The following PPP2R3B variants were observed in gnomAD, a reference collection of about 807,000 sequenced individuals.
PPP2R3B encodes the protein serine/threonine-protein phosphatase 2A regulatory subunit B'' subunit beta.
In PPP2R3B, 68 loss-of-function variants were observed where a neutral mutation model predicts 72.9. That is an observed-to-expected ratio of 0.93 (90% CI 0.77 to 1.14). The LOEUF (loss-of-function observed/expected upper bound fraction) is 1.14, where lower values mean the gene tolerates loss of function less well. PPP2R3B is among the 50% of genes most tolerant of loss of function. The probability of loss-of-function intolerance (pLI) is 0.00; values close to 1 mark genes in which losing one functional copy is unlikely to be tolerated. For missense variants in PPP2R3B, 1,018 were observed against 842.0 expected (o/e 1.21, Z -2.59); for synonymous variants, 466 against 375.8 (o/e 1.24, Z -2.78).
At chrX:341,795 A>G in intron 8 of PPP2R3B, 88 bp downstream of exon 8, 2 of 1,443,882 alleles carry the variant, frequency 1.4e-6, no homozygotes, top group African/African-American at 1.4e-5. Context: ...GTCGGGGCAC[A>G]AAAAGCTCAC....
intron 1 of PPP2R3B, among the ~76,000 whole-genome samples, chrX:379,220 C>T (rs1326740267): frequency 3.6e-5 from 5 of 139,656 alleles, no homozygotes; most frequent in Non-Finnish European, 7.6e-5. Context: ...CCTGTGTATG[C>T]ACCTGTGTGT....
At chrX:383,653 C>T (rs62585672) in intron 1 of PPP2R3B, among the ~76,000 whole-genome samples, 16,611 of 151,308 alleles carry the variant, frequency 0.11, 956 homozygotes, top group African/African-American at 0.15. Context: ...CCGGCTAACA[C>T]GGTGAAACCC....
At chrX:341,712 C>A (rs2071082040) in intron 8 of PPP2R3B, 171 bp downstream of exon 8, 3 of 782,304 alleles carry the variant, frequency 3.8e-6, no homozygotes, top group East Asian at 5.2e-5. Flanking sequence ...TTGTGCCACC[C>A]CCCCCCACTA....
intron 1 of PPP2R3B, among the ~76,000 whole-genome samples, chrX:379,264 T>C (rs1267179105): frequency 6.6e-6 from 1 of 151,814 alleles, no homozygotes. Flanking sequence ...TATGGACCTA[T>C]GTATGTGTAT....
Position 347,374 on chromosome X carries a change from G to C in PPP2R3B, c.615-38C>G. On this transcript the variant is annotated intron_variant, in intron 3 of 12. Transcript: ENST00000390665. The stretch of plus-strand genomic sequence containing the variant: ...GATGACTGGGCACCACCCTCACAGG[G>C]GGGTGGCTTTCGACCCCGCAGACGC... The C allele has an allele frequency of 2.5e-6, 4 of 1,598,970 alleles. No individual in the cohort carries two copies. The African/African-American group carries it at 4.0e-5, about 16-fold the overall frequency.
At position 334,120 on chromosome X, in the gene PPP2R3B, G is replaced by C; in HGVS notation, c.*247C>G. On this transcript the variant is annotated 3_prime_UTR_variant, in exon 13 of 13. Coordinates refer to ENST00000390665, the MANE Select transcript of PPP2R3B (RefSeq NM_013239.5). ...ACCCAGGCTGGGTCGGGAACGGCAAGCGCCAGAGGGTGTCCGTGTGGGAAC... is the reference window on the plus strand; with the variant it reads ...ACCCAGGCTGGGTCGGGAACGGCAACCGCCAGAGGGTGTCCGTGTGGGAAC... 1 of 394,660 alleles carries C rather than the reference G, an allele frequency of 2.5e-6. No homozygotes were observed. The highest frequency in any genetic ancestry group is 4.4e-6 in the Non-Finnish European group (1 of 225,984). 24.4% of individuals were successfully genotyped at this position (394,660 alleles called of 1,614,324 possible).
intron 1 of PPP2R3B, 28 bp from the exon 2 acceptor site, chrX:361,618 T>A: frequency 6.2e-7 from 1 of 1,611,134 alleles, no homozygotes; most frequent in Non-Finnish European, 8.5e-7. Flanking sequence ...AGCGCTCAGT[T>A]AGAACCTGGG....
chrX:347,172 G>T, intron 4 of PPP2R3B, 62 bp downstream of exon 4: 2 of 84,486 alleles, frequency 2.4e-5, no homozygotes, highest in Non-Finnish European at 4.0e-5. Context: ...CATGAGGCAT[G>T]CGGTGTAGAC....
intron 2 of PPP2R3B, among the ~76,000 whole-genome samples, chrX:352,779 G>A (rs1311275556): frequency 1.3e-5 from 2 of 151,728 alleles, no homozygotes; most frequent in Non-Finnish European, 2.9e-5. Context: ...AACCACGGCC[G>A]GCAAGTTCAG....
Position 361,387 on chromosome X carries a change from C to T in PPP2R3B, c.510+18G>A. ...CAGTACCACCTCGGCTGCTCCACGT[C>T]CCACGCGTGACACGTACCTTGGCCA... On this transcript the variant is annotated intron_variant, in intron 2 of 12. Transcript: ENST00000390665. 6.2e-7 allele frequency: 1 copy of T among 1,613,546 alleles called. No individual in the cohort carries two copies. Among genetic ancestry groups the T allele is most frequent in the Non-Finnish European group, 8.5e-7 (1 of 1,179,526 alleles).
In PPP2R3B at chrX:386,827, G is replaced by A. The variant is rs2072268912; in HGVS notation, c.-136C>T. ...GCGCGGCGCAGGGAACAGGGCCCGC[G>A]CCTCGGGAACTGCGCGGACTCGCGG... On this transcript the variant is annotated 5_prime_UTR_variant, in exon 1 of 13. Coordinates refer to ENST00000390665, the MANE Select transcript of PPP2R3B (RefSeq NM_013239.5). 2.5e-6 allele frequency: 1 copy of A among 396,798 alleles called. No individual in the cohort carries two copies. Among genetic ancestry groups the A allele is most frequent in the Non-Finnish European group, 3.8e-6 (1 of 266,520 alleles). 24.6% of individuals were successfully genotyped at this position (396,798 alleles called of 1,614,324 possible).
In PPP2R3B at chrX:361,277, C is replaced by T. The variant is rs189486505; in HGVS notation, c.510+128G>A. The T allele has an allele frequency of 1.2e-3, 1,296 of 1,076,616 alleles. 14 individuals are homozygous for T. The African/African-American group carries it at 0.018, about 15-fold the overall frequency. 66.7% of individuals were successfully genotyped at this position (1,076,616 alleles called of 1,614,324 possible). A position where few individuals can be genotyped will look rare whatever the true frequency, so the allele number is the denominator to read the frequency against. On this transcript the variant is annotated intron_variant, in intron 2 of 12. Transcript: ENST00000390665. The stretch of plus-strand genomic sequence containing the variant: ...GGGCCGCTCCCGCACACGTGTGAAA[C>T]GCACCCTCCTCGGCCGTGCCGCCTC...
chrX:341,081 CCCCCTGCCG>C, intron 9 of PPP2R3B, 141 bp from the exon 10 acceptor site: 1 of 1,234,728 alleles, frequency 8.1e-7, no homozygotes, highest in Admixed American at 2.5e-5. Flanking sequence ...GCATCCCCTG[CCCCCTGCCG>C]CCCCCACCGG....
chrX:350,245 A>G (rs1205605424), intron 2 of PPP2R3B, among the ~76,000 whole-genome samples: 1 of 152,136 alleles, frequency 6.6e-6, no homozygotes, highest in African/African-American at 2.4e-5. Context: ...ACTGAATACC[A>G]GGGGATCCCA....
At chrX:352,764 G>A (rs1341967036) in intron 2 of PPP2R3B, among the ~76,000 whole-genome samples, 1 of 151,846 alleles carries the variant, frequency 6.6e-6, no homozygotes, top group Non-Finnish European at 1.5e-5. Context: ...AAAGGAGGAC[G>A]CCACAACCAC....
chrX:360,644 G>A (rs897000258), intron 2 of PPP2R3B, among the ~76,000 whole-genome samples: 3 of 152,210 alleles, frequency 2.0e-5, no homozygotes, highest in African/African-American at 7.2e-5. Flanking sequence ...GGGCTCACAT[G>A]TACCGTGCAC....
Position 340,792 on chromosome X carries a change from G to C in PPP2R3B, c.1324C>G (p.Leu442Val). The change falls in exon 10 of 13, where the codon CTG becomes GTG. Residue 442 changes from leucine to valine, a missense_variant. Physicochemically the swap from Leu to Val is conservative, Grantham distance 32 (BLOSUM62 1). Transcript: ENST00000390665. The stretch of plus-strand genomic sequence containing the variant: ...TCAGTCCTCGGCTTGACCAGGTCCA[G>C]CATCTGGCAGAGGCAGTCCTGGAAG... ...LPFQDCLCQMLDLVKPRTEGK... is the reference protein window; with the variant it reads ...LPFQDCLCQMVDLVKPRTEGK... 1 of 1,602,950 alleles carries C rather than the reference G, an allele frequency of 6.2e-7. No homozygotes were observed. The highest frequency in any genetic ancestry group is 1.1e-5 in the South Asian group (1 of 90,798).
chrX:346,098 G>GCA, intron 6 of PPP2R3B, 76 bp downstream of exon 6: 1 of 655,814 alleles, frequency 1.5e-6, no homozygotes, highest in Non-Finnish European at 2.3e-6. Context: ...GGAGGGGGGA[G>GCA]GAGGGAAGGG....
At chrX:359,656 C>T (rs1312653876) in intron 2 of PPP2R3B, among the ~76,000 whole-genome samples, 1 of 152,206 alleles carries the variant, frequency 6.6e-6, no homozygotes, top group African/African-American at 2.4e-5. Context: ...AAGACAGGGA[C>T]ACCTCTACAA....
Sources: allele counts gnomAD v4.1 joint callset (sites outside exome capture counted in the v4.1 genomes callset), GRCh38; gene constraint gnomAD v4.1.1; transcripts MANE v1.5; gene names NCBI Gene and HGNC (gene_info 2026-07-23, HGNC 2026-07-21).